The following INPP4B variants were observed in gnomAD, a reference collection of about 807,000 sequenced individuals.
The protein encoded by INPP4B is inositol polyphosphate-4-phosphatase type II B.
INPP4B carries 55 observed loss-of-function variants against 122.5 expected under a neutral mutation model. That is an observed-to-expected ratio of 0.45 (90% CI 0.36 to 0.56). INPP4B has a LOEUF of 0.56. Among genes scored for constraint, INPP4B ranks in the 20% least tolerant of loss-of-function variants. The probability of loss-of-function intolerance (pLI) is 0.00; values close to 1 mark genes in which losing one functional copy is unlikely to be tolerated. For synonymous variants in INPP4B, 403 were observed against 388.7 expected (o/e 1.04, Z -0.43); for missense variants, 1,000 against 1,097.7 (o/e 0.91, Z 1.26).
intron 2 of INPP4B, among the ~76,000 whole-genome samples, chr4:142,558,252 T>C (rs1729643594): frequency 2.0e-5 from 3 of 152,158 alleles, no homozygotes; most frequent in Admixed American, 1.3e-4. Context: ...TCACTTATTG[T>C]CCATTTTGTC....
chr4:142,559,614 T>C (rs1329551000), intron 2 of INPP4B, among the ~76,000 whole-genome samples: 6 of 152,180 alleles, frequency 3.9e-5, no homozygotes, highest in African/African-American at 1.4e-4. Context: ...TTTATCAATA[T>C]TGTGATTTAA....
intron 2 of INPP4B, among the ~76,000 whole-genome samples, chr4:142,527,955 C>A (rs1827143342): frequency 1.3e-5 from 2 of 151,828 alleles, no homozygotes; most frequent in South Asian, 4.2e-4. Context: ...TAGAATAAAT[C>A]AAGGCAATAG....
chr4:142,739,083 A>C (rs146870971), intron 1 of INPP4B, among the ~76,000 whole-genome samples: 117 of 152,276 alleles, frequency 7.7e-4, no homozygotes, highest in African/African-American at 2.7e-3. Context: ...TAATAACAAA[A>C]TAAAACCCTC....
At chr4:142,565,650 G>T (rs1400468048) in intron 2 of INPP4B, among the ~76,000 whole-genome samples, 3 of 152,090 alleles carry the variant, frequency 2.0e-5, no homozygotes, top group Non-Finnish European at 4.4e-5. Flanking sequence ...AGTGGCAAAG[G>T]TGTGATAAAT....
intron 2 of INPP4B, among the ~76,000 whole-genome samples, chr4:142,551,671 C>A (rs554601567): frequency 7.9e-5 from 12 of 152,068 alleles, no homozygotes; most frequent in Non-Finnish European, 7.4e-5. Context: ...TGTGTTATCA[C>A]GCAGTAGAAC....
intron 9 of INPP4B, 63 bp downstream of exon 9, chr4:142,305,395 G>A: frequency 8.1e-7 from 1 of 1,228,264 alleles, no homozygotes; most frequent in Non-Finnish European, 1.2e-6. Flanking sequence ...CAAACACACT[G>A]GCCATCAATA....
chr4:142,247,481 G>A (rs548201974), intron 11 of INPP4B, among the ~76,000 whole-genome samples: 1 of 152,096 alleles, frequency 6.6e-6, no homozygotes, highest in African/African-American at 2.4e-5. Context: ...ACTTGTTATT[G>A]ATCTATTCAG....
At chr4:142,411,600 T>C (rs1441359953) in intron 5 of INPP4B, among the ~76,000 whole-genome samples, 1 of 152,006 alleles carries the variant, frequency 6.6e-6, no homozygotes, top group African/African-American at 2.4e-5. Flanking sequence ...GTGGCCTTAA[T>C]ACAAACAGGG....
chr4:142,256,405 T>A (rs1313143456), intron 11 of INPP4B, among the ~76,000 whole-genome samples: 1 of 151,904 alleles, frequency 6.6e-6, no homozygotes, highest in Non-Finnish European at 1.5e-5. Flanking sequence ...AAAAAATTAA[T>A]GAATCCAGGA....
In INPP4B at chr4:142,028,775, G is replaced by C; in HGVS notation, c.*7C>G. ...TTGTGTTCCTGTTTATTAACATGTT[G>C]GTAAACTTAGGTGTCAGCTTTTCCA... On this transcript the variant is annotated 3_prime_UTR_variant, in exon 26 of 26. Transcript: ENST00000262992. 6.2e-7 allele frequency: 1 copy of C among 1,603,764 alleles called. No homozygotes were observed. The highest frequency in any genetic ancestry group is 8.5e-7 in the Non-Finnish European group (1 of 1,176,828).
intron 7 of INPP4B, among the ~76,000 whole-genome samples, chr4:142,332,520 G>A (rs1168278068): frequency 2.0e-5 from 3 of 151,800 alleles, no homozygotes; most frequent in East Asian, 1.9e-4. Flanking sequence ...AGCATATATA[G>A]TTAAAAAAAA....
In INPP4B at chr4:142,698,315, T is replaced by A. The variant is rs138592888; in HGVS notation, c.-191+27524A>T. Among the ~76,000 whole-genome samples, 782 of 152,084 alleles carry A rather than the reference T, an allele frequency of 5.1e-3. 4 individuals are homozygous for A. The highest frequency in any genetic ancestry group is 8.5e-3 in the Admixed American group (130 of 15,230). On this transcript the variant is annotated intron_variant, in intron 2 of 25. Transcript: ENST00000262992. ...TCATAGAAAAAAAGACATACGAGAT[T>A]AATTTTTAAATCTTAGCACTGAAAG...
At chr4:142,275,191 T>A (rs890998828) in intron 9 of INPP4B, among the ~76,000 whole-genome samples, 3 of 151,830 alleles carry the variant, frequency 2.0e-5, no homozygotes, top group African/African-American at 4.8e-5. Flanking sequence ...AAGGATAATT[T>A]AATGACACTT....
At chr4:142,648,995 T>C (rs1223845605) in intron 2 of INPP4B, among the ~76,000 whole-genome samples, 1 of 152,152 alleles carries the variant, frequency 6.6e-6, no homozygotes, top group African/African-American at 2.4e-5. Context: ...ACAAAGCTTC[T>C]AGAGGGAGGA....
chr4:142,822,153 G>C (rs1780866700), intron 1 of INPP4B, among the ~76,000 whole-genome samples: 1 of 152,120 alleles, frequency 6.6e-6, no homozygotes, highest in Non-Finnish European at 1.5e-5. Context: ...AGTTTGGCTG[G>C]AATAATTCAA....
intron 7 of INPP4B, among the ~76,000 whole-genome samples, chr4:142,327,959 T>G (rs1430444394): frequency 6.6e-6 from 1 of 152,126 alleles, no homozygotes; most frequent in African/African-American, 2.4e-5. Flanking sequence ...AGGGCTGAAG[T>G]CACAGCAAAA....
At chr4:142,821,654 T>C (rs945882598) in intron 1 of INPP4B, among the ~76,000 whole-genome samples, 1 of 152,170 alleles carries the variant, frequency 6.6e-6, no homozygotes, top group South Asian at 2.1e-4. Context: ...TATTCAACAA[T>C]AAACAAATAG....
intron 7 of INPP4B, among the ~76,000 whole-genome samples, chr4:142,344,899 T>C (rs1184001874): frequency 1.3e-5 from 2 of 152,032 alleles, no homozygotes; most frequent in South Asian, 2.1e-4. Context: ...AAAATGATCC[T>C]GAATTTCCAC....
At chr4:142,835,230 A>G (rs1283605106) in intron 1 of INPP4B, among the ~76,000 whole-genome samples, 2 of 152,156 alleles carry the variant, frequency 1.3e-5, no homozygotes, top group Non-Finnish European at 1.5e-5. Flanking sequence ...CCTCCACACA[A>G]TATTTATCCA....
Sources: allele counts gnomAD v4.1 joint callset (sites outside exome capture counted in the v4.1 genomes callset), GRCh38; gene constraint gnomAD v4.1.1; transcripts MANE v1.5; gene names NCBI Gene and HGNC (gene_info 2026-07-23, HGNC 2026-07-21).